PCDHGA3: variants seen among roughly 807,000 people sequenced by gnomAD.
PCDHGA3 encodes protocadherin gamma subfamily A, 3.
In PCDHGA3, 40 loss-of-function variants were observed where a neutral mutation model predicts 58.5. The observed-to-expected ratio is 0.68, with a 90% CI of 0.53 to 0.89. PCDHGA3 has a LOEUF of 0.89. Ranked by LOEUF, PCDHGA3 falls within the 40% of genes least tolerant of loss-of-function variation. The probability of loss-of-function intolerance (pLI) is 0.00; values close to 1 mark genes in which losing one functional copy is unlikely to be tolerated. For synonymous variants in PCDHGA3, 530 were observed against 525.7 expected (o/e 1.01, Z -0.11); for missense variants, 1,223 against 1,195.9 (o/e 1.02, Z -0.33).
At chr5:141,388,939 A>G in intron 1 of PCDHGA3, 1 of 1,613,984 alleles carries the variant, frequency 6.2e-7, no homozygotes, top group Non-Finnish European at 8.5e-7. Flanking sequence ...TCTCTACCCA[A>G]CCTAATTATG....
chr5:141,378,320 CGA>C (rs1285013125), intron 1 of PCDHGA3: 1 of 152,164 alleles, frequency 6.6e-6, no homozygotes, highest in Admixed American at 6.5e-5. Flanking sequence ...GTCAGGAGTT[CGA>C]GACCAGCCTG....
chr5:141,476,039 C>T lies in PCDHGA3; in HGVS notation c.2425-18768C>T. The T allele has an allele frequency of 1.3e-6, 2 of 1,484,358 alleles. No homozygotes were observed. The highest frequency in any genetic ancestry group is 1.8e-6 in the Non-Finnish European group (2 of 1,117,328). The allele number at this position is 1,484,358 out of a possible 1,614,324, so 91.9% of individuals were successfully genotyped here. On this transcript the variant is annotated intron_variant, in intron 1 of 3. Coordinates refer to ENST00000253812, the MANE Select transcript of PCDHGA3 (RefSeq NM_018916.4). The surrounding 1 kb of genome is among the most constrained non-coding windows in gnomAD (Gnocchi z 7.6). Reference sequence around the variant, plus strand: ...TCGGACTCGGCGCCCAGCGCCCAAGCGCTAACCCGCTGAAAGTTTCTCAGC... The same window carrying T: ...TCGGACTCGGCGCCCAGCGCCCAAGTGCTAACCCGCTGAAAGTTTCTCAGC...
chr5:141,404,347 C>A (rs1451476815), intron 1 of PCDHGA3: 2 of 1,613,916 alleles, frequency 1.2e-6, no homozygotes, highest in Non-Finnish European at 1.7e-6. Context: ...CGGAAAACAA[C>A]GCCAGAGGTA....
chr5:141,428,495 T>C (rs1023405537), intron 1 of PCDHGA3: 3 of 295,346 alleles, frequency 1.0e-5, no homozygotes, highest in African/African-American at 6.5e-5. Flanking sequence ...AATCTGTATG[T>C]TCCCTCGGAT....
In PCDHGA3 at chr5:141,485,313, A is replaced by G. The variant is rs758628263; in HGVS notation, c.2425-9494A>G. On this transcript the variant is annotated intron_variant, in intron 1 of 3. Transcript: ENST00000253812. The surrounding 1 kb of genome is among the most constrained non-coding windows in gnomAD (Gnocchi z 5.7). Reference sequence around the variant, plus strand: ...TCACAGGAAGGGACTTTTGTAGGGAATGTCGCTCAAGATTTCCTGCTGGAT... The same window carrying G: ...TCACAGGAAGGGACTTTTGTAGGGAGTGTCGCTCAAGATTTCCTGCTGGAT... 1.2e-6 allele frequency: 2 copies of G among 1,614,186 alleles called. No individual in the cohort carries two copies. Among genetic ancestry groups the G allele is most frequent in the African/African-American group, 1.3e-5 (1 of 75,054 alleles).
At chr5:141,454,850 C>T (rs1208208678) in intron 1 of PCDHGA3, among the ~76,000 whole-genome samples, 3 of 132,848 alleles carry the variant, frequency 2.3e-5, no homozygotes, top group Non-Finnish European at 4.6e-5. Flanking sequence ...CTCTGTCACC[C>T]AGGCTGGAGT....
chr5:141,349,025 C>T lies in PCDHGA3; in HGVS notation c.2424+2568C>T, dbSNP rs142730364. ...TATTTACCAGTGGTCAAGTCAAACT[C>T]GTTTTGCTCATTAATGGTATAAGTC... On this transcript the variant is annotated intron_variant, in intron 1 of 3. Transcript: ENST00000253812. Among the ~76,000 whole-genome samples, 374 of 152,196 alleles carry T rather than the reference C, an allele frequency of 2.5e-3. 1 individual carries two copies. Among genetic ancestry groups the T allele is most frequent in the African/African-American group, 8.4e-3 (350 of 41,502 alleles).
intron 1 of PCDHGA3, among the ~76,000 whole-genome samples, chr5:141,463,209 A>G (rs1189251811): frequency 6.6e-6 from 1 of 152,140 alleles, no homozygotes; most frequent in African/African-American, 2.4e-5. Flanking sequence ...TTGGGGATCC[A>G]TATTAATATT....
intron 1 of PCDHGA3, among the ~76,000 whole-genome samples, chr5:141,484,796 C>A (rs987893041): frequency 1.3e-5 from 2 of 151,304 alleles, no homozygotes; most frequent in African/African-American, 4.9e-5. Flanking sequence ...GATAACAACC[C>A]GTGGAAAAAC....
At chr5:141,371,382 T>A (rs774974302) in intron 1 of PCDHGA3, 1 of 1,613,888 alleles carries the variant, frequency 6.2e-7, no homozygotes, top group Non-Finnish European at 8.5e-7. Flanking sequence ...TCACACTGCA[T>A]ATTGTAAAGT....
At chr5:141,361,783 G>T (rs375966726) in intron 1 of PCDHGA3, 2 of 1,613,244 alleles carry the variant, frequency 1.2e-6, no homozygotes, top group Non-Finnish European at 1.7e-6. Flanking sequence ...GAGCCTGCGC[G>T]TGTTAGTGGG....
At chr5:141,445,148 C>T (rs1051995635) in intron 1 of PCDHGA3, among the ~76,000 whole-genome samples, 3 of 152,092 alleles carry the variant, frequency 2.0e-5, no homozygotes, top group Non-Finnish European at 4.4e-5. Context: ...TCTAATTGTT[C>T]ATTTCTAGTT....
At chr5:141,387,739 C>T (rs182945836) in intron 1 of PCDHGA3, 1 of 1,328,598 alleles carries the variant, frequency 7.5e-7, no homozygotes, top group East Asian at 2.5e-5. Context: ...AGCCTTTACA[C>T]CGCTTCCTCC....
At chr5:141,347,177 T>TTCTC (rs1363306035) in intron 1 of PCDHGA3, among the ~76,000 whole-genome samples, 31 of 147,210 alleles carry the variant, frequency 2.1e-4, no homozygotes, top group African/African-American at 7.5e-4. Context: ...CTTTCTTTCT[T>TTCTC]TCTTGACAGG....
chr5:141,482,728 A>T (rs192207285), intron 1 of PCDHGA3, among the ~76,000 whole-genome samples: 97 of 128,396 alleles, frequency 7.6e-4, no homozygotes, highest in Admixed American at 3.3e-3. Context: ...GGGCCATTGC[A>T]AGAAATTCCA....
chr5:141,423,672 T>A, intron 1 of PCDHGA3: 2 of 1,549,982 alleles, frequency 1.3e-6, no homozygotes, highest in Non-Finnish European at 1.7e-6. Context: ...TGAGATTTAT[T>A]TCTCTGCCTC....
intron 1 of PCDHGA3, among the ~76,000 whole-genome samples, chr5:141,430,064 A>T (rs1482609618): frequency 6.6e-6 from 1 of 152,190 alleles, no homozygotes; most frequent in Non-Finnish European, 1.5e-5. Flanking sequence ...TATCATTTTT[A>T]GGTTTCCATA....
At position 141,380,476 on chromosome 5, in the gene PCDHGA3, TC is replaced by T. The variant is rs534346627; in HGVS notation, c.2424+34022del. Among the ~76,000 whole-genome samples the T allele has an allele frequency of 1.1e-4, 16 of 152,316 alleles. No homozygotes were observed. The South Asian group carries it at 3.1e-3, about 30-fold the overall frequency. ...CAACCAAACAAATGGTCAGGATTCT[TC>T]CCAATATCTCAGTCAACAATAATAT... is the stretch of plus-strand genomic sequence containing the variant. On this transcript the variant is annotated intron_variant, in intron 1 of 3. Transcript: ENST00000253812.
chr5:141,413,981 C>T (rs563161887), intron 1 of PCDHGA3: 52 of 1,613,334 alleles, frequency 3.2e-5, no homozygotes, highest in African/African-American at 5.3e-5. Context: ...CTGACAGTCA[C>T]AGCCACCGAC....
Sources: gnomAD v4.1 joint callset for allele counts (sites outside exome capture counted in the v4.1 genomes callset) on GRCh38, gnomAD v4.1.1 for gene constraint, Gnocchi (gnomAD v3.1) non-coding constraint, MANE v1.5 for transcripts, NCBI Gene and HGNC (gene_info 2026-07-23, HGNC 2026-07-21) for gene names.